Variants in ABTB2 observed in about 807,000 individuals in gnomAD.
ABTB2 encodes the protein ankyrin repeat and BTB/POZ domain-containing protein 2.
ABTB2 carries 56 observed loss-of-function variants against 104.1 expected under a neutral mutation model. The ratio of observed to expected loss-of-function variants is 0.54; its 90% CI spans 0.43 to 0.67. The LOEUF is 0.67. ABTB2 is among the 30% of genes least tolerant of loss of function. The pLI is 0.00. For missense variants in ABTB2, 1,279 were observed against 1,407.7 expected (o/e 0.91, Z 1.46); for synonymous variants, 606 against 608.2 (o/e 1.00, Z 0.05).
chr11:34,170,491 T>C (rs1267351823), intron 5 of ABTB2, among the ~76,000 whole-genome samples: 1 of 152,240 alleles, frequency 6.6e-6, no homozygotes, highest in Non-Finnish European at 1.5e-5. Context: ...TCTGTGTTTC[T>C]TCTTATCTGT....
Position 34,210,102 on chromosome 11 carries a change from A to G in ABTB2, c.884-5412T>C, listed in dbSNP as rs1853463569. Among the ~76,000 whole-genome samples, 3 of 152,244 alleles carry G rather than the reference A, an allele frequency of 2.0e-5. No individual in the cohort carries two copies. In the South Asian group the frequency reaches 6.2e-4, roughly 32 times the overall value. ...GGCGCTGTCTCTTCCAAGCTGACGG[A>G]AGCTGGTGGACTGCACTTTGGGATG... On this transcript the variant is annotated intron_variant, in intron 1 of 16. Coordinates refer to ENST00000435224, the MANE Select transcript of ABTB2 (RefSeq NM_145804.3).
chr11:34,329,617 A>G (rs945666677), intron 1 of ABTB2, among the ~76,000 whole-genome samples: 2 of 152,230 alleles, frequency 1.3e-5, no homozygotes, highest in East Asian at 1.9e-4. Context: ...CAAGAAGCCA[A>G]CTGGTCCCCT....
chr11:34,244,512 C>CACTT (rs1853960706), intron 1 of ABTB2, among the ~76,000 whole-genome samples: 1 of 152,168 alleles, frequency 6.6e-6, no homozygotes, highest in Admixed American at 6.5e-5. Context: ...ACTGAACGAG[C>CACTT]ACTTACTTGC....
chr11:34,184,499 T>A (rs565509886), intron 3 of ABTB2, among the ~76,000 whole-genome samples: 26 of 152,254 alleles, frequency 1.7e-4, no homozygotes, highest in African/African-American at 5.5e-4. Context: ...TCAGGCCTGG[T>A]TCCAGGGCGG....
At chr11:34,338,781 T>C (rs983114596) in intron 1 of ABTB2, among the ~76,000 whole-genome samples, 1 of 152,246 alleles carries the variant, frequency 6.6e-6, no homozygotes, top group Non-Finnish European at 1.5e-5. Context: ...GGTTCCAGAA[T>C]ACTAATGTTA....
chr11:34,183,542 G>A lies in ABTB2; in HGVS notation c.1245-10235C>T, dbSNP rs117401780. Among the ~76,000 whole-genome samples the A allele has an allele frequency of 8.6e-3, 1,315 of 152,308 alleles. 10 individuals are homozygous for A. The highest frequency in any genetic ancestry group is 0.014 in the Non-Finnish European group (967 of 68,026). On this transcript the variant is annotated intron_variant, in intron 3 of 16. Transcript: ENST00000435224. ...AGACTGCCCACGGTGGCCTGCTGCC[G>A]GGCTCATGCTGTCTGCAGGCAGGAG...
intron 9 of ABTB2, among the ~76,000 whole-genome samples, chr11:34,163,414 G>A (rs1261929454): frequency 2.0e-5 from 3 of 152,184 alleles, no homozygotes; most frequent in African/African-American, 7.2e-5. Flanking sequence ...ACGCTCCCCC[G>A]TGCTGCTGCT....
intron 1 of ABTB2, among the ~76,000 whole-genome samples, chr11:34,215,785 A>G (rs1282201506): frequency 6.6e-6 from 1 of 152,218 alleles, no homozygotes; most frequent in African/African-American, 2.4e-5. Context: ...TATAGTAAAT[A>G]AAAATATTTT....
intron 1 of ABTB2, among the ~76,000 whole-genome samples, chr11:34,320,790 C>A (rs538846462): frequency 6.6e-6 from 1 of 152,372 alleles, no homozygotes; most frequent in African/African-American, 2.4e-5. Flanking sequence ...TAGCAAGCAG[C>A]ACATTCAAGC....
chr11:34,237,720 A>C (rs1161060349), intron 1 of ABTB2, among the ~76,000 whole-genome samples: 1 of 152,076 alleles, frequency 6.6e-6, no homozygotes, highest in Admixed American at 6.6e-5. Flanking sequence ...GTGAAACCCC[A>C]TCTCTACTAA....
At chr11:34,166,919 G>A (rs767673779) in intron 7 of ABTB2, among the ~76,000 whole-genome samples, 23 of 152,226 alleles carry the variant, frequency 1.5e-4, no homozygotes, top group African/African-American at 3.6e-4. Context: ...GGGAAGGGTC[G>A]GAAAGGCGGC....
At chr11:34,335,952 T>C (rs1855189175) in intron 1 of ABTB2, 1 of 629,700 alleles carries the variant, frequency 1.6e-6, no homozygotes, top group African/African-American at 1.8e-5. Flanking sequence ...AAGAGTAAAA[T>C]CCTGGGAGAT....
At position 34,307,544 on chromosome 11, in the gene ABTB2, T is replaced by C. The variant is rs542710588; in HGVS notation, c.883+49157A>G. 1.4e-4 allele frequency among the ~76,000 whole-genome samples: 22 copies of C among 152,334 alleles called. No individual in the cohort carries two copies. In the East Asian group the frequency reaches 1.7e-3, roughly 12 times the overall value. ...GTTTGAGCAGTCAACAGAAACGCCA[T>C]AGACCCTGTTCATGGCTCTCCGAGA... is the stretch of plus-strand genomic sequence containing the variant. On this transcript the variant is annotated intron_variant, in intron 1 of 16. Coordinates refer to ENST00000435224, the MANE Select transcript of ABTB2 (RefSeq NM_145804.3).
At position 34,356,239 on chromosome 11, in the gene ABTB2, G is replaced by A. The variant is rs941357889; in HGVS notation, c.883+462C>T. Among the ~76,000 whole-genome samples, 49 of 152,148 alleles carry A rather than the reference G, an allele frequency of 3.2e-4. No homozygotes were observed. Among genetic ancestry groups the A allele is most frequent in the African/African-American group, 1.1e-3 (47 of 41,438 alleles). On this transcript the variant is annotated intron_variant, in intron 1 of 16. Coordinates refer to ENST00000435224, the MANE Select transcript of ABTB2 (RefSeq NM_145804.3). This position sits in a 1 kb window ranked among gnomAD's most constrained non-coding sequence, Gnocchi z 4.6. Reference sequence around the variant, plus strand: ...CCTCCGCCCATCTTACTTATCCAAGGTTCAGGTCTTTAAGTTGGGACCCTT... The same window carrying A: ...CCTCCGCCCATCTTACTTATCCAAGATTCAGGTCTTTAAGTTGGGACCCTT...
In ABTB2 at chr11:34,197,449, G is replaced by A. The variant is rs1565138332; in HGVS notation, c.1120C>T (p.Pro374Ser). 1.3e-6 allele frequency: 2 copies of A among 1,599,868 alleles called. No individual in the cohort carries two copies. Among genetic ancestry groups the A allele is most frequent in the Admixed American group, 1.7e-5 (1 of 58,760 alleles). ...ASPARQARQP[P>S]QPITWSPDAL... is the part of the protein sequence containing the mutation. ...TCGGGGGACCAAGTGATGGGCTGTGGCGGCTGGCGGGCCTGGCGGGCAGGG... is the reference window on the plus strand; with the variant it reads ...TCGGGGGACCAAGTGATGGGCTGTGACGGCTGGCGGGCCTGGCGGGCAGGG... Residue 374 changes from proline (P) to serine (S), a missense_variant, in exon 3 of 17, where the codon CCA becomes TCA. Coordinates refer to ENST00000435224, the MANE Select transcript of ABTB2 (RefSeq NM_145804.3).
intron 1 of ABTB2, among the ~76,000 whole-genome samples, chr11:34,264,465 C>A (rs1854224155): frequency 6.6e-6 from 1 of 152,212 alleles, no homozygotes; most frequent in Non-Finnish European, 1.5e-5. Flanking sequence ...TGGCCCAGAT[C>A]CATGGGAATT....
chr11:34,268,067 A>T (rs2133078646), intron 1 of ABTB2, among the ~76,000 whole-genome samples: 1 of 152,096 alleles, frequency 6.6e-6, no homozygotes, highest in Middle Eastern at 3.4e-3. Context: ...AGTAGCTGGG[A>T]CTATAGGCGC....
intron 1 of ABTB2, among the ~76,000 whole-genome samples, chr11:34,257,732 C>T (rs1410410195): frequency 6.6e-5 from 10 of 152,102 alleles, no homozygotes; most frequent in Non-Finnish European, 8.8e-5. Flanking sequence ...GGGCTACAGG[C>T]GTACACCACC....
At chr11:34,172,371 C>CAAAAAAAA (rs1230787869) in intron 4 of ABTB2, among the ~76,000 whole-genome samples, 1 of 61,694 alleles carries the variant, frequency 1.6e-5, no homozygotes, top group Non-Finnish European at 2.7e-5. Context: ...AACTCTGTCT[C>CAAAAAAAA]AAAAAAAAAA....
Sources: gnomAD v4.1 joint callset for allele counts (sites outside exome capture counted in the v4.1 genomes callset) on GRCh38, gnomAD v4.1.1 for gene constraint, Gnocchi (gnomAD v3.1) non-coding constraint, MANE v1.5 for transcripts, NCBI Gene and HGNC (gene_info 2026-07-23, HGNC 2026-07-21) for gene names.